Variants in PTPRN2 observed in about 807,000 individuals in gnomAD.
PTPRN2 encodes the protein protein tyrosine phosphatase receptor type N2.
In PTPRN2, 74 loss-of-function variants were observed where a neutral mutation model predicts 118.8. The ratio of observed to expected loss-of-function variants is 0.62; its 90% CI spans 0.52 to 0.76. PTPRN2 has a LOEUF of 0.76. Ranked by LOEUF, PTPRN2 falls within the 30% of genes least tolerant of loss-of-function variation. The pLI is 0.00. For synonymous variants in PTPRN2, 641 were observed against 608.0 expected (o/e 1.05, Z -0.80); for missense variants, 1,481 against 1,394.4 (o/e 1.06, Z -0.99).
intron 11 of PTPRN2, among the ~76,000 whole-genome samples, chr7:158,013,134 G>A (rs1015815908): frequency 1.3e-5 from 2 of 152,168 alleles, no homozygotes; most frequent in African/African-American, 4.8e-5. Context: ...AAGGAGAAAA[G>A]TTAATGTTAC....
chr7:157,682,778 TCTC>T lies in PTPRN2; in HGVS notation c.1945_1947del (p.Glu649del). 6.2e-7 allele frequency: 1 copy of T among 1,614,058 alleles called. No individual in the cohort carries two copies. Among genetic ancestry groups the T allele is most frequent in the Non-Finnish European group, 8.5e-7 (1 of 1,180,032 alleles). On this transcript the variant is annotated inframe_deletion, in exon 13 of 23. Transcript: ENST00000389418. Reference sequence around the variant, plus strand: ...GGGTCGCCCCCTAGTCCCGAGAGCTTCTCCTTCAGCCTGTGCTGAGAGCTATGG... The same window carrying T: ...GGGTCGCCCCCTAGTCCCGAGAGCTTCTTCAGCCTGTGCTGAGAGCTATGG...
At chr7:158,085,286 A>G (rs538479542) in intron 10 of PTPRN2, among the ~76,000 whole-genome samples, 43 of 126,596 alleles carry the variant, frequency 3.4e-4, no homozygotes, top group African/African-American at 1.4e-3. Flanking sequence ...ATACCCATCC[A>G]CACCCACGAC....
intron 11 of PTPRN2, among the ~76,000 whole-genome samples, chr7:157,910,507 G>A (rs779071276): frequency 4.0e-5 from 6 of 151,198 alleles, no homozygotes; most frequent in Non-Finnish European, 7.4e-5. Flanking sequence ...CATGTACGCC[G>A]TGGGAACGGG....
chr7:158,390,044 C>G (rs1811806914), intron 2 of PTPRN2, among the ~76,000 whole-genome samples: 1 of 152,228 alleles, frequency 6.6e-6, no homozygotes, highest in South Asian at 2.1e-4. Flanking sequence ...AGGGATGAAG[C>G]CTCTCAAACG....
intron 11 of PTPRN2, among the ~76,000 whole-genome samples, chr7:158,020,445 C>T (rs897425143): frequency 2.0e-5 from 3 of 152,070 alleles, no homozygotes; most frequent in Admixed American, 2.0e-4. Context: ...TTGCGGGGAA[C>T]GTGAGGGACA....
chr7:157,620,743 G>C (rs1204865026), intron 15 of PTPRN2, among the ~76,000 whole-genome samples: 1 of 152,206 alleles, frequency 6.6e-6, no homozygotes, highest in East Asian at 1.9e-4. Flanking sequence ...GCTGGGGATG[G>C]CATCGCAGAG....
At chr7:158,368,080 C>G (rs1007508459) in intron 2 of PTPRN2, among the ~76,000 whole-genome samples, 5 of 152,206 alleles carry the variant, frequency 3.3e-5, no homozygotes, top group African/African-American at 1.2e-4. Flanking sequence ...CATTTTAATA[C>G]AAACCTTATT....
intron 3 of PTPRN2, among the ~76,000 whole-genome samples, chr7:158,210,642 C>T (rs1827525967): frequency 6.6e-6 from 1 of 152,052 alleles, no homozygotes; most frequent in South Asian, 2.1e-4. Context: ...GACATTACAA[C>T]TAATACTGCA....
chr7:158,128,705 G>C lies in PTPRN2; in HGVS notation c.1556+4972C>G, dbSNP rs367931097. ...TGAAGGTTCCCTAGCAAACCACACCGGCCTCCTGCTCTCCGGGTGAACACC... is the reference window on the plus strand; with the variant it reads ...TGAAGGTTCCCTAGCAAACCACACCCGCCTCCTGCTCTCCGGGTGAACACC... On this transcript the variant is annotated intron_variant, in intron 9 of 22. Transcript: ENST00000389418. 2.6e-5 allele frequency among the ~76,000 whole-genome samples: 4 copies of C among 152,130 alleles called. No individual in the cohort carries two copies. The East Asian group carries it at 7.7e-4, about 29-fold the overall frequency.
chr7:157,800,113 G>A (rs575975141), intron 12 of PTPRN2, among the ~76,000 whole-genome samples: 42 of 148,384 alleles, frequency 2.8e-4, no homozygotes, highest in African/African-American at 7.3e-4. Flanking sequence ...CACCACAGGC[G>A]GCCTCCTCCA....
chr7:158,236,605 G>A (rs1829569051), intron 3 of PTPRN2, among the ~76,000 whole-genome samples: 1 of 152,178 alleles, frequency 6.6e-6, no homozygotes, highest in African/African-American at 2.4e-5. Context: ...GAGCCGCCGT[G>A]AAGACGTGAT....
intron 11 of PTPRN2, among the ~76,000 whole-genome samples, chr7:158,041,940 T>C (rs997988725): frequency 6.6e-6 from 1 of 152,210 alleles, no homozygotes; most frequent in Non-Finnish European, 1.5e-5. Context: ...TATCCTTGTA[T>C]CTTGCAACAC....
intron 3 of PTPRN2, among the ~76,000 whole-genome samples, chr7:158,274,508 A>ACAGGCACAGGGGGAGCCG (rs1798829260): frequency 7.3e-6 from 1 of 136,152 alleles, no homozygotes; most frequent in Non-Finnish European, 1.6e-5. Flanking sequence ...AGGGGGAGCC[A>ACAGGCACAGGGGGAGCCG]CAGGCACGGG....
intron 12 of PTPRN2, among the ~76,000 whole-genome samples, chr7:157,742,578 A>G (rs989329598): frequency 1.3e-5 from 2 of 152,056 alleles, no homozygotes; most frequent in African/African-American, 2.4e-5. Flanking sequence ...TTGGAGGTGA[A>G]GCCATCTGCA....
chr7:158,336,951 ACAC>A (rs1805690303), intron 2 of PTPRN2, among the ~76,000 whole-genome samples: 1 of 99,190 alleles, frequency 1.0e-5, no homozygotes, highest in Admixed American at 9.6e-5. Context: ...CTCGTCACTC[ACAC>A]TCACACTCTC....
intron 13 of PTPRN2, among the ~76,000 whole-genome samples, chr7:157,661,425 T>G (rs1275368643): frequency 1.3e-5 from 2 of 152,266 alleles, no homozygotes; most frequent in Admixed American, 1.3e-4. Flanking sequence ...CCGGGGACGC[T>G]GCTCTTGCCC....
intron 9 of PTPRN2, among the ~76,000 whole-genome samples, chr7:158,132,355 T>A (rs1439204138): frequency 1.3e-5 from 2 of 149,484 alleles, no homozygotes; most frequent in Non-Finnish European, 3.0e-5. Flanking sequence ...CCAATACACA[T>A]CTACCCGACA....
At chr7:157,559,077 T>A (rs1252622123) in intron 21 of PTPRN2, among the ~76,000 whole-genome samples, 1 of 152,244 alleles carries the variant, frequency 6.6e-6, no homozygotes, top group African/African-American at 2.4e-5. Context: ...GCAGTTGCTG[T>A]GCATTTGGAA....
chr7:158,065,267 G>A (rs1284911288), intron 11 of PTPRN2, among the ~76,000 whole-genome samples: 2 of 152,230 alleles, frequency 1.3e-5, no homozygotes, highest in Non-Finnish European at 2.9e-5. Context: ...AGACTTGGCG[G>A]AGCCTCCTCA....
Sources: allele counts gnomAD v4.1 joint callset (sites outside exome capture counted in the v4.1 genomes callset), GRCh38; gene constraint gnomAD v4.1.1; transcripts MANE v1.5; gene names NCBI Gene and HGNC (gene_info 2026-07-23, HGNC 2026-07-21).